LSAMP: variants seen among roughly 807,000 people sequenced by gnomAD.
LSAMP encodes limbic system-associated membrane protein.
In LSAMP, 7 loss-of-function variants were observed where a neutral mutation model predicts 38.6. The ratio of observed to expected loss-of-function variants is 0.18; its 90% confidence interval spans 0.10 to 0.34. The LOEUF (loss-of-function observed/expected upper bound fraction) is 0.34. Ranked by LOEUF, LSAMP falls within the 10% of genes least tolerant of loss-of-function variation. The pLI is 1.00. For synonymous variants in LSAMP, 154 were observed against 166.8 expected, an observed-to-expected ratio of 0.92 and a Z score of 0.59; for missense variants, 313 against 420.0, an observed-to-expected ratio of 0.75 and a Z score of 2.23.
intron 1 of LSAMP, among the ~76,000 whole-genome samples, chr3:116,135,077 C>T (rs551865972): frequency 3.4e-4 from 52 of 152,128 alleles, no homozygotes; most frequent in Middle Eastern, 6.8e-3. Flanking sequence ...TGAGGGGGTG[C>T]ATTATTATGT....
chr3:115,997,841 A>G (rs1255915327), intron 3 of LSAMP, among the ~76,000 whole-genome samples: 1 of 143,868 alleles, frequency 7.0e-6, no homozygotes, highest in African/African-American at 2.6e-5. Context: ...ATATTAGAAT[A>G]TATATTATGT....
intron 1 of LSAMP, among the ~76,000 whole-genome samples, chr3:116,139,242 G>T (rs1472617803): frequency 1.3e-5 from 2 of 151,840 alleles, no homozygotes; most frequent in Admixed American, 6.6e-5. Context: ...CAACTATTCT[G>T]CACCATGGAA....
intron 1 of LSAMP, among the ~76,000 whole-genome samples, chr3:116,263,951 T>C (rs551952871): frequency 6.6e-6 from 1 of 152,280 alleles, no homozygotes; most frequent in South Asian, 2.1e-4. Flanking sequence ...GACTGAGAAC[T>C]GAGAGTGGAG....
chr3:116,055,948 G>C (rs1188235240), intron 2 of LSAMP, among the ~76,000 whole-genome samples: 1 of 150,218 alleles, frequency 6.7e-6, no homozygotes, highest in Non-Finnish European at 1.5e-5. Flanking sequence ...GCAAAAGATG[G>C]AAAAGGATCC....
intron 3 of LSAMP, among the ~76,000 whole-genome samples, chr3:115,993,659 C>A (rs114055133): frequency 1.3e-5 from 2 of 151,940 alleles, no homozygotes. Context: ...ATATTTTAAA[C>A]CTTTTGCCCT....
At chr3:115,946,373 G>T (rs574843135) in intron 3 of LSAMP, among the ~76,000 whole-genome samples, 1 of 152,254 alleles carries the variant, frequency 6.6e-6, no homozygotes, top group Admixed American at 6.5e-5. Context: ...CAGCCAAGGC[G>T]TGGGCTGTGA....
At chr3:116,058,974 C>T (rs1257567787) in intron 2 of LSAMP, among the ~76,000 whole-genome samples, 6 of 151,944 alleles carry the variant, frequency 3.9e-5, no homozygotes, top group African/African-American at 1.4e-4. Context: ...ACACTGACTC[C>T]ATGCTTATGC....
At chr3:116,028,928 A>G (rs150292776) in intron 2 of LSAMP, among the ~76,000 whole-genome samples, 1 of 152,270 alleles carries the variant, frequency 6.6e-6, no homozygotes, top group Admixed American at 6.5e-5. Context: ...TGAGCCATTT[A>G]ATAGATGTCT....
intron 2 of LSAMP, among the ~76,000 whole-genome samples, chr3:116,059,708 T>A (rs886318528): frequency 1.3e-5 from 2 of 152,072 alleles, no homozygotes; most frequent in Non-Finnish European, 2.9e-5. Context: ...CAGATACAAA[T>A]GAGCTCTTTT....
In LSAMP at chr3:116,444,808, ACAAACACACACAC is replaced by A. The variant is rs2049485234; in HGVS notation, c.155+56_155+68del. The A allele has an allele frequency of 4.7e-4, 606 of 1,281,466 alleles. 2 individuals carry two copies. Among genetic ancestry groups the A allele is most frequent in the Middle Eastern group, 3.6e-3 (17 of 4,762 alleles). 79.4% of individuals were successfully genotyped at this position (1,281,466 alleles called of 1,614,324 possible). ...ATCAGACACACACACACACACACACACAAACACACACACACACACACACACACGTGTAGACGCG... is the reference window on the plus strand; with the variant it reads ...ATCAGACACACACACACACACACACAACACACACACACACGTGTAGACGCG... On this transcript the variant is annotated intron_variant, in intron 1 of 6. Coordinates refer to ENST00000490035, the MANE Select transcript of LSAMP (RefSeq NM_002338.5).
chr3:115,976,076 A>G (rs1003760192), intron 3 of LSAMP, among the ~76,000 whole-genome samples: 1 of 152,172 alleles, frequency 6.6e-6, no homozygotes, highest in African/African-American at 2.4e-5. Context: ...TCCAGGAGGC[A>G]ATTGAAATCT....
chr3:115,999,929 G>A (rs1939940344), intron 3 of LSAMP, among the ~76,000 whole-genome samples: 1 of 152,174 alleles, frequency 6.6e-6, no homozygotes, highest in Non-Finnish European at 1.5e-5. Context: ...ACAAGAACAT[G>A]TGGCGTTCCC....
intron 1 of LSAMP, among the ~76,000 whole-genome samples, chr3:116,107,011 C>T (rs1451564039): frequency 6.6e-6 from 1 of 152,140 alleles, no homozygotes; most frequent in Non-Finnish European, 1.5e-5. Flanking sequence ...GTGGCTTATA[C>T]TATAGCATAG....
intron 1 of LSAMP, among the ~76,000 whole-genome samples, chr3:116,443,024 C>T (rs1249209986): frequency 6.6e-6 from 1 of 152,142 alleles, no homozygotes; most frequent in Non-Finnish European, 1.5e-5. Flanking sequence ...TTAGAAAGAC[C>T]TTACAAAGCT....
intron 3 of LSAMP, among the ~76,000 whole-genome samples, chr3:115,963,250 GTTGC>G (rs1426896272): frequency 1.3e-5 from 2 of 152,122 alleles, no homozygotes; most frequent in African/African-American, 2.4e-5. Context: ...CAAATGATTG[GTTGC>G]TTCAAAACTG....
chr3:115,884,804 T>C (rs1936410266), intron 3 of LSAMP, among the ~76,000 whole-genome samples: 1 of 151,918 alleles, frequency 6.6e-6, no homozygotes, highest in Non-Finnish European at 1.5e-5. Flanking sequence ...GACCTGGAAG[T>C]CAATAACATA....
In LSAMP at chr3:115,808,123, TCC is replaced by T. The variant is rs1933679587; in HGVS notation, c.*2192_*2193del. 1 of 47,234 alleles carries T rather than the reference TCC, an allele frequency of 2.1e-5. No individual in the cohort carries two copies. The highest frequency in any genetic ancestry group is 8.8e-5 in the African/African-American group (1 of 11,334). 2.9% of individuals were successfully genotyped at this position (47,234 alleles called of 1,614,324 possible). A position where few individuals can be genotyped will look rare whatever the true frequency, so the allele number is the denominator to read the frequency against. On this transcript the variant is annotated 3_prime_UTR_variant, in exon 7 of 7. Transcript: ENST00000490035. ...CTTCCTTCCTTCCTCCCTCCCTCCC[TCC>T]CTCCCTCCCTCCCTCCCTCCCTCCC... is the stretch of plus-strand genomic sequence containing the variant.
intron 1 of LSAMP, among the ~76,000 whole-genome samples, chr3:116,117,990 A>T (rs1268569767): frequency 1.3e-5 from 2 of 152,030 alleles, no homozygotes; most frequent in Non-Finnish European, 2.9e-5. Flanking sequence ...CTCAAGAAAG[A>T]GTCTTACAAT....
At chr3:116,137,139 GTC>G (rs1270049516) in intron 1 of LSAMP, among the ~76,000 whole-genome samples, 1 of 151,976 alleles carries the variant, frequency 6.6e-6, no homozygotes, top group Non-Finnish European at 1.5e-5. Flanking sequence ...TCTTCCCAGT[GTC>G]TCTCTGTCTT....
Sources: gnomAD v4.1 joint callset for allele counts (sites outside exome capture counted in the v4.1 genomes callset) on GRCh38, gnomAD v4.1.1 for gene constraint, MANE v1.5 for transcripts, NCBI Gene and HGNC (gene_info 2026-07-23, HGNC 2026-07-21) for gene names.